Variants in TTC7B observed in about 807,000 individuals in gnomAD.
TTC7B encodes the protein tetratricopeptide repeat domain 7B.
In TTC7B, 28 loss-of-function variants were observed where a neutral mutation model predicts 106.8. The observed-to-expected ratio is 0.26, with a 90% CI of 0.19 to 0.36. TTC7B has a LOEUF of 0.36. Among genes scored for constraint, TTC7B ranks in the 10% least tolerant of loss-of-function variants. The pLI is 1.00. For synonymous variants in TTC7B, 405 were observed against 430.6 expected (o/e 0.94, Z 0.74); for missense variants, 862 against 1,076.4 (o/e 0.80, Z 2.79).
chr14:90,597,664 A>C lies in TTC7B; in HGVS notation c.1967-4038T>G, dbSNP rs192043497. On this transcript the variant is annotated intron_variant, in intron 17 of 19. Coordinates refer to ENST00000328459, the MANE Select transcript of TTC7B (RefSeq NM_001010854.2). Reference sequence around the variant, plus strand: ...CAAGAGTGAGATTCCATCTAAAAAAAAAAACAAAACAACAACAACAAAAAA... The same window carrying C: ...CAAGAGTGAGATTCCATCTAAAAAACAAAACAAAACAACAACAACAAAAAA... 2.0e-3 allele frequency among the ~76,000 whole-genome samples: 312 copies of C among 152,270 alleles called. 1 individual carries two copies. Among genetic ancestry groups the C allele is most frequent in the Middle Eastern group, 3.4e-3 (1 of 294 alleles).
At chr14:90,708,145 CAAAAAAAA>C (rs56260414) in intron 5 of TTC7B, among the ~76,000 whole-genome samples, 1 of 61,318 alleles carries the variant, frequency 1.6e-5, no homozygotes, top group African/African-American at 6.4e-5. Flanking sequence ...GACTCCATCT[CAAAAAAAA>C]AAAAAAAAAA....
intron 19 of TTC7B, among the ~76,000 whole-genome samples, chr14:90,565,740 C>T (rs1890768748): frequency 6.6e-6 from 1 of 152,114 alleles, no homozygotes; most frequent in Admixed American, 6.5e-5. Flanking sequence ...AAACATGCCA[C>T]TCTTCCTTTC....
chr14:90,554,152 C>T (rs1048652073), intron 19 of TTC7B, among the ~76,000 whole-genome samples: 2 of 152,220 alleles, frequency 1.3e-5, no homozygotes, highest in Non-Finnish European at 2.9e-5. Context: ...ACTGTGGTGG[C>T]TTTTAGAGAA....
In TTC7B at chr14:90,734,933, G is replaced by C. The variant is rs972193913; in HGVS notation, c.577-4737C>G. Among the ~76,000 whole-genome samples the C allele has an allele frequency of 9.9e-5, 15 of 152,082 alleles. No homozygotes were observed. The South Asian group carries it at 2.3e-3, about 23-fold the overall frequency. ...TGAGTAGCTGGGATTACAGGCATGC[G>C]CCACCACGCCCAGCTAATTTTTAAA... On this transcript the variant is annotated intron_variant, in intron 4 of 19. Coordinates refer to ENST00000328459, the MANE Select transcript of TTC7B (RefSeq NM_001010854.2).
At chr14:90,777,277 C>T (rs1891063226) in intron 3 of TTC7B, among the ~76,000 whole-genome samples, 1 of 151,956 alleles carries the variant, frequency 6.6e-6, no homozygotes, top group Non-Finnish European at 1.5e-5. Context: ...GAATGAGATA[C>T]TGGGATAAAG....
At chr14:90,642,924 C>T (rs1024607704) in intron 15 of TTC7B, among the ~76,000 whole-genome samples, 1 of 151,740 alleles carries the variant, frequency 6.6e-6, no homozygotes, top group African/African-American at 2.4e-5. Flanking sequence ...TCAGGACAAA[C>T]AAGCTATAAA....
chr14:90,643,565 TTTTG>T (rs145331178), intron 15 of TTC7B, among the ~76,000 whole-genome samples: 29,842 of 151,508 alleles, frequency 0.2, 3,637 homozygotes, highest in Admixed American at 0.27. Context: ...AGCCTAAGTT[TTTTG>T]TTTGTTTGTT....
chr14:90,597,692 C>A (rs567871394), intron 17 of TTC7B, among the ~76,000 whole-genome samples: 1 of 151,708 alleles, frequency 6.6e-6, no homozygotes, highest in Non-Finnish European at 1.5e-5. Context: ...ACAAAAAAAA[C>A]CCTGTACTGT....
chr14:90,714,543 A>G (rs934353805), intron 5 of TTC7B, among the ~76,000 whole-genome samples: 7 of 149,650 alleles, frequency 4.7e-5, no homozygotes, highest in South Asian at 2.1e-4. Flanking sequence ...TGCAACCTCT[A>G]CCTCCCGGGT....
intron 3 of TTC7B, chr14:90,772,507 T>C (rs1350094627): frequency 6.6e-6 from 1 of 152,220 alleles, no homozygotes; most frequent in Non-Finnish European, 1.5e-5. Flanking sequence ...ATAATCCCAC[T>C]TTTATATAAA....
intron 9 of TTC7B, among the ~76,000 whole-genome samples, chr14:90,662,079 G>A (rs146756801): frequency 6.6e-6 from 1 of 152,346 alleles, no homozygotes; most frequent in Non-Finnish European, 1.5e-5. Context: ...AGCCCTCAAA[G>A]GAGAGGGCCC....
chr14:90,676,607 G>A lies in TTC7B; in HGVS notation c.1068C>T (p.Leu356=). Residue 356 remains leucine (L), a synonymous_variant, in exon 9 of 20, where the codon CTC becomes CTT. Transcript: ENST00000328459. ...SRIPEHKSDR[L]ISLQSASVVY... is the part of the protein sequence containing the mutation. ...CCACAGATGCACTCTGCAGACTGAT[G>A]AGGCGGTCACTCTTGTGTTCAGGTA... The A allele has an allele frequency of 6.2e-7, 1 of 1,614,158 alleles. No homozygotes were observed. Among genetic ancestry groups the A allele is most frequent in the Non-Finnish European group, 8.5e-7 (1 of 1,180,032 alleles).
chr14:90,722,269 C>T (rs1311757338), intron 5 of TTC7B, among the ~76,000 whole-genome samples: 2 of 152,218 alleles, frequency 1.3e-5, no homozygotes, highest in African/African-American at 4.8e-5. Context: ...TCTATCCCTC[C>T]CTCCATCATC....
In TTC7B at chr14:90,533,386, ACT is replaced by A. The variant is rs1889333405; in HGVS notation, c.*7980_*7981del. On this transcript the variant is annotated 3_prime_UTR_variant, in exon 20 of 20. Transcript: ENST00000328459. ...CTCCTCCATGCAGAGCGGGACTCGG[ACT>A]CTGCCTCAGCTGCAGCTAGCTCTGC... is the stretch of plus-strand genomic sequence containing the variant. 1 of 152,520 alleles carries A rather than the reference ACT, an allele frequency of 6.6e-6. No homozygotes were observed. The highest frequency in any genetic ancestry group is 1.5e-5 in the Non-Finnish European group (1 of 68,428). 9.4% of individuals were successfully genotyped at this position (152,520 alleles called of 1,614,324 possible). A position where few individuals can be genotyped will look rare whatever the true frequency, so the allele number is the denominator to read the frequency against.
At chr14:90,554,390 C>G (rs948129162) in intron 19 of TTC7B, among the ~76,000 whole-genome samples, 1 of 152,198 alleles carries the variant, frequency 6.6e-6, no homozygotes, top group South Asian at 2.1e-4. Context: ...GCCAAGAGCA[C>G]GGACGTGAGT....
rs898719510 is a variant in TTC7B at position 90,659,554 on chromosome 14, G to T, written c.1153-1167C>A. The stretch of plus-strand genomic sequence containing the variant: ...GGAGAGAAAAGGGATCTGGAAAGGA[G>T]GGCGAAGAAGGGATCTGGGTGGGAG... On this transcript the variant is annotated intron_variant, in intron 9 of 19. Coordinates refer to ENST00000328459, the MANE Select transcript of TTC7B (RefSeq NM_001010854.2). Among the ~76,000 whole-genome samples, 6 of 152,160 alleles carry T rather than the reference G, an allele frequency of 3.9e-5. No individual in the cohort carries two copies. In the East Asian group the frequency reaches 1.2e-3, roughly 29 times the overall value.
chr14:90,764,047 C>A (rs568737599), intron 3 of TTC7B, among the ~76,000 whole-genome samples: 77 of 152,174 alleles, frequency 5.1e-4, no homozygotes, highest in African/African-American at 1.9e-3. Context: ...ACACACTCCC[C>A]AAACTCAAAA....
Position 90,807,230 on chromosome 14 carries a change from G to A in TTC7B, c.121+8945C>T, listed in dbSNP as rs544267120. On this transcript the variant is annotated intron_variant, in intron 1 of 19. Transcript: ENST00000328459. This position sits in a 1 kb window ranked among gnomAD's most constrained non-coding sequence, Gnocchi z 4.1. ...GATCCTCCTCCTGGTGCCCTGCCAG[G>A]CCCTGCTTACCCACTCACTGCCACT... Among the ~76,000 whole-genome samples the A allele has an allele frequency of 3.9e-5, 6 of 152,188 alleles. No individual in the cohort carries two copies. The East Asian group carries it at 1.2e-3, about 29-fold the overall frequency.
At chr14:90,800,025 G>C (rs1241559097) in intron 1 of TTC7B, among the ~76,000 whole-genome samples, 1 of 152,036 alleles carries the variant, frequency 6.6e-6, no homozygotes, top group Non-Finnish European at 1.5e-5. Flanking sequence ...GTAGAGTCAG[G>C]GTTTCACCGT....
Sources: allele counts gnomAD v4.1 joint callset (sites outside exome capture counted in the v4.1 genomes callset), GRCh38; gene constraint gnomAD v4.1.1; non-coding constraint Gnocchi (gnomAD v3.1); transcripts MANE v1.5; gene names NCBI Gene and HGNC (gene_info 2026-07-23, HGNC 2026-07-21).